The following FHL1 variants were observed in gnomAD, a reference collection of about 807,000 sequenced individuals.
FHL1 encodes four and a half LIM domains 1.
A neutral mutation model predicts 20.3 loss-of-function variants in FHL1; 1 was observed. The observed-to-expected ratio is 0.05, with a 90% CI of 0.02 to 0.23. The LOEUF is 0.23. FHL1 is among the 10% of genes least tolerant of loss of function. FHL1 has a pLI of 1.00. For synonymous variants in FHL1, 82 were observed against 88.9 expected, an observed-to-expected ratio of 0.92 and a Z score of 0.44; for missense variants, 177 against 234.0, an observed-to-expected ratio of 0.76 and a Z score of 1.59.
intron 1 of FHL1, chrX:136,206,181 T>A: frequency 8.7e-6 from 4 of 457,892 alleles, no homozygotes; most frequent in Non-Finnish European, 1.2e-5. Flanking sequence ...AGGGAATCAC[T>A]AGCCATCGGC....
At chrX:136,209,543 C>T (rs962965208) in intron 5 of FHL1, 252 of 859,939 alleles carry the variant, frequency 2.9e-4, no homozygotes, top group Non-Finnish European at 3.4e-4. Context: ...GCTGGGAGGT[C>T]GGTGCGCGTC....
At chrX:136,175,718 A>G (rs779884130) in intron 2 of FHL1, among the ~76,000 whole-genome samples, 6 of 112,510 alleles carry the variant, frequency 5.3e-5, no homozygotes, top group Non-Finnish European at 1.1e-4. Flanking sequence ...ATACAGTCTT[A>G]CTAAAAAATG....
chrX:136,165,078 T>C (rs1401561533), upstream of FHL1, among the ~76,000 whole-genome samples: 3 of 112,027 alleles, frequency 2.7e-5, no homozygotes, highest in African/African-American at 6.5e-5. Context: ...TTCCAGAGTA[T>C]ATAGAGGATA....
At chrX:136,172,170 A>G (rs1308609343) in intron 2 of FHL1, among the ~76,000 whole-genome samples, 1 of 112,263 alleles carries the variant, frequency 8.9e-6, no homozygotes, top group Non-Finnish European at 1.9e-5. Flanking sequence ...CTGGGATTAC[A>G]GGCGTGAGCC....
chrX:136,167,354 C>T (rs760099077), upstream of FHL1, among the ~76,000 whole-genome samples: 3 of 110,257 alleles, frequency 2.7e-5, no homozygotes, highest in East Asian at 2.9e-4. Context: ...TACAGACACA[C>T]GCCACCACGC....
intron 1 of FHL1, among the ~76,000 whole-genome samples, chrX:136,153,775 A>G (rs930920732): frequency 3.6e-5 from 4 of 112,154 alleles, no homozygotes; most frequent in African/African-American, 1.3e-4. Context: ...GTACTTTCTA[A>G]AAATGGTGGA....
chrX:136,164,984 G>A (rs2072672873), upstream of FHL1, among the ~76,000 whole-genome samples: 2 of 111,669 alleles, frequency 1.8e-5, no homozygotes, highest in African/African-American at 3.3e-5. Context: ...ACTGGATAGG[G>A]ATAATTCCTC....
intron 1 of FHL1, among the ~76,000 whole-genome samples, chrX:136,197,484 T>C (rs911533927): frequency 8.9e-6 from 1 of 112,229 alleles, no homozygotes; most frequent in Non-Finnish European, 1.9e-5. Flanking sequence ...GATACAATTC[T>C]TCATCTTGAC....
At chrX:136,161,592 A>C (rs1294593724) in intron 1 of FHL1, among the ~76,000 whole-genome samples, 1 of 112,093 alleles carries the variant, frequency 8.9e-6, no homozygotes, top group Non-Finnish European at 1.9e-5. Flanking sequence ...CATAGCAGAT[A>C]ATGGCCACAT....
chrX:136,197,826 C>A (rs767187746), intron 1 of FHL1, among the ~76,000 whole-genome samples: 2 of 112,083 alleles, frequency 1.8e-5, no homozygotes, highest in Non-Finnish European at 3.8e-5. Context: ...TTATTTGAAG[C>A]CAGGAGGGTG....
intron 2 of FHL1, among the ~76,000 whole-genome samples, chrX:136,189,487 AT>A (rs1463121928): frequency 4.5e-5 from 5 of 111,661 alleles, no homozygotes; most frequent in Non-Finnish European, 7.5e-5. Context: ...TTTTCCACAT[AT>A]TCCCTGTGAA....
Position 136,209,326 on chromosome X carries a change from A to T in FHL1, c.737-545A>T. The T allele has an allele frequency of 8.3e-7, 1 of 1,210,540 alleles. No homozygotes were observed. The highest frequency in any genetic ancestry group is 1.1e-6 in the Non-Finnish European group (1 of 895,077). On this transcript the variant is annotated intron_variant, in intron 5 of 5. Transcript: ENST00000370683. Reference sequence around the variant, plus strand: ...GTGCCACGGGAAACGCTTGCCTCTCACCCTGTTTCCCAGCGCCAACCTCCG... The same window carrying T: ...GTGCCACGGGAAACGCTTGCCTCTCTCCCTGTTTCCCAGCGCCAACCTCCG...
intron 1 of FHL1, among the ~76,000 whole-genome samples, chrX:136,154,986 C>A (rs777450715): frequency 8.9e-6 from 1 of 112,265 alleles, no homozygotes; most frequent in Non-Finnish European, 1.9e-5. Context: ...GGATTACAGG[C>A]GTGAGCCACC....
At position 136,200,391 on chromosome X, in the gene FHL1, A is replaced by C. The variant is rs751681132; in HGVS notation, c.22+3257A>C. Among the ~76,000 whole-genome samples, 11 of 112,159 alleles carry C rather than the reference A, an allele frequency of 9.8e-5. No individual in the cohort carries two copies. The South Asian group carries it at 4.1e-3, about 42-fold the overall frequency. On this transcript the variant is annotated intron_variant, in intron 1 of 5. Transcript: ENST00000370683. Reference sequence around the variant, plus strand: ...TTTTAAAATCAGGAAATAGTATGTCATATTGCATTAGGTTCATAAGTCCAT... The same window carrying C: ...TTTTAAAATCAGGAAATAGTATGTCCTATTGCATTAGGTTCATAAGTCCAT...
chrX:136,209,116 T>C (rs1384248468), intron 5 of FHL1: 2 of 573,468 alleles, frequency 3.5e-6, no homozygotes, highest in Non-Finnish European at 5.4e-6. Flanking sequence ...TCAGCAAAGC[T>C]AATCACTTCA....
intron 2 of FHL1, among the ~76,000 whole-genome samples, chrX:136,191,588 C>G (rs915519002): frequency 9.0e-6 from 1 of 111,425 alleles, no homozygotes; most frequent in African/African-American, 3.3e-5. Flanking sequence ...AATTCTAGGG[C>G]TATCTTCTAT....
At chrX:136,188,418 T>G (rs1403447347) in intron 2 of FHL1, among the ~76,000 whole-genome samples, 1 of 111,415 alleles carries the variant, frequency 9.0e-6, no homozygotes, top group Admixed American at 9.5e-5. Context: ...GATATGCCCC[T>G]GTTCCCTTCC....
intron 2 of FHL1, among the ~76,000 whole-genome samples, chrX:136,177,773 C>T (rs2073044285): frequency 8.9e-6 from 1 of 112,099 alleles, no homozygotes; most frequent in African/African-American, 3.2e-5. Context: ...CTTGTGATTA[C>T]TTAGTAAGGT....
At chrX:136,148,910 G>A (rs749306562) in intron 1 of FHL1, among the ~76,000 whole-genome samples, 1 of 112,268 alleles carries the variant, frequency 8.9e-6, no homozygotes, top group African/African-American at 3.2e-5. Context: ...AGAAGTAGTA[G>A]AATAAGCGTA....
Sources: allele counts gnomAD v4.1 joint callset (sites outside exome capture counted in the v4.1 genomes callset), GRCh38; gene constraint gnomAD v4.1.1; transcripts MANE v1.5; gene names NCBI Gene and HGNC (gene_info 2026-07-23, HGNC 2026-07-21).